TTLL11: variants seen among roughly 807,000 people sequenced by gnomAD.
The protein encoded by TTLL11 is tubulin tyrosine ligase like 11.
A neutral mutation model predicts 51.7 loss-of-function variants in TTLL11; 42 were observed. The ratio of observed to expected loss-of-function variants is 0.81; its 90% CI spans 0.64 to 1.05. The LOEUF (loss-of-function observed/expected upper bound fraction) is 1.05. Ranked by LOEUF, TTLL11 falls within the 50% of genes least tolerant of loss-of-function variation. TTLL11 has a pLI of 0.00. For missense variants in TTLL11, 799 were observed against 940.4 expected (o/e 0.85, Z 1.97); for synonymous variants, 381 against 383.5 (o/e 0.99, Z 0.08).
chr9:121,842,789 C>G (rs1336032836), intron 8 of TTLL11, among the ~76,000 whole-genome samples: 1 of 152,192 alleles, frequency 6.6e-6, no homozygotes, highest in African/African-American at 2.4e-5. Context: ...CGGAGAATCT[C>G]TGAAAGGTAA....
At chr9:121,929,527 G>A (rs543029285) in intron 6 of TTLL11, among the ~76,000 whole-genome samples, 3 of 152,236 alleles carry the variant, frequency 2.0e-5, no homozygotes, top group South Asian at 2.1e-4. Context: ...TATGAAAAAC[G>A]GGATGGGGAA....
rs1842656958 is a variant in TTLL11, at chr9:121,974,739, A to G, written c.1365+145T>C. 2.8e-5 allele frequency: 19 copies of G among 689,206 alleles called. No homozygotes were observed. The South Asian group carries it at 3.4e-4, about 12-fold the overall frequency. The allele number at this position is 689,206 out of a possible 1,614,324, so 42.7% of individuals were successfully genotyped here. A position where few individuals can be genotyped will look rare whatever the true frequency, so the allele number is the denominator to read the frequency against. ...TATTAATAGTCTATGTTGAGAACTC[A>G]ACAAAACTGAAATTATTTGACTTGA... On this transcript the variant is annotated intron_variant, in intron 5 of 8. Coordinates refer to ENST00000321582, the MANE Select transcript of TTLL11 (RefSeq NM_001139442.2).
At chr9:121,999,310 T>C (rs1373834782) in intron 3 of TTLL11, among the ~76,000 whole-genome samples, 2 of 152,138 alleles carry the variant, frequency 1.3e-5, no homozygotes, top group Non-Finnish European at 2.9e-5. Context: ...GGAGCGTACC[T>C]CTCTTGGGCT....
At position 121,920,515 on chromosome 9, in the gene TTLL11, C is replaced by A. The variant is rs544618301; in HGVS notation, c.1482-49767G>T. ...CACTAGGCAGCAAATCATCGGGAAG[C>A]AAATAGCCCATCTTGCACATTTAGA... On this transcript the variant is annotated intron_variant, in intron 6 of 8. Transcript: ENST00000321582. 7.4e-4 allele frequency among the ~76,000 whole-genome samples: 113 copies of A among 152,266 alleles called. 2 individuals carry two copies. The South Asian group carries it at 0.022, about 29-fold the overall frequency.
intron 1 of TTLL11, among the ~76,000 whole-genome samples, chr9:122,060,780 T>A (rs988742033): frequency 1.3e-5 from 2 of 152,218 alleles, no homozygotes; most frequent in Admixed American, 1.3e-4. Context: ...AGGACAAGAC[T>A]GTTTCAACTA....
At chr9:122,023,596 G>A (rs909150841) in intron 3 of TTLL11, among the ~76,000 whole-genome samples, 2 of 151,822 alleles carry the variant, frequency 1.3e-5, no homozygotes, top group African/African-American at 2.4e-5. Flanking sequence ...AATATGTTAT[G>A]ACTAAGTGGA....
At chr9:122,040,398 C>T in intron 1 of TTLL11, 1 of 984,322 alleles carries the variant, frequency 1.0e-6, no homozygotes, top group Non-Finnish European at 1.2e-6. Context: ...CTGTTCTTTC[C>T]ACTACATCCT....
intron 3 of TTLL11, among the ~76,000 whole-genome samples, chr9:122,020,940 G>T (rs1844156957): frequency 6.6e-6 from 1 of 152,202 alleles, no homozygotes; most frequent in Admixed American, 6.5e-5. Flanking sequence ...AATTGTAGCA[G>T]CCCAAACTTC....
At chr9:122,076,833 C>A (rs549130248) in intron 1 of TTLL11, among the ~76,000 whole-genome samples, 3 of 151,966 alleles carry the variant, frequency 2.0e-5, no homozygotes, top group Non-Finnish European at 2.9e-5. Flanking sequence ...ACAAGAATCC[C>A]AACAAATCCC....
chr9:122,038,002 C>G (rs921749781), intron 2 of TTLL11, among the ~76,000 whole-genome samples: 2 of 152,238 alleles, frequency 1.3e-5, no homozygotes, highest in African/African-American at 2.4e-5. Context: ...TAAATTGATT[C>G]TCCCTTTAAA....
At chr9:121,841,818 T>G (rs765911723) in intron 8 of TTLL11, among the ~76,000 whole-genome samples, 1 of 152,014 alleles carries the variant, frequency 6.6e-6, no homozygotes, top group Non-Finnish European at 1.5e-5. Context: ...TAGATGCCAG[T>G]ATAGCAACTC....
intron 7 of TTLL11, among the ~76,000 whole-genome samples, chr9:121,864,240 C>T (rs1384100902): frequency 6.6e-6 from 1 of 152,174 alleles, no homozygotes; most frequent in Non-Finnish European, 1.5e-5. Context: ...CTGAATGGGC[C>T]TTGGATACCG....
chr9:121,989,389 T>C lies in TTLL11; in HGVS notation c.1075A>G (p.Ser359Gly). Residue 359 changes from serine (S) to glycine (G), a missense_variant, in exon 4 of 9, where the codon AGT (serine) becomes GGT (glycine). Around this residue, in one of 3 missense-constraint regions of TTLL11, gnomAD observed 468 missense variants for 612.8 expected, o/e 0.76. Coordinates refer to ENST00000321582, the MANE Select transcript of TTLL11 (RefSeq NM_001139442.2). This position sits in a 1 kb window ranked among gnomAD's most constrained non-coding sequence, Gnocchi z 4.2. ...IHSGNFIHSD[S>G]ASTGSKRTFS... Reference sequence around the variant, plus strand: ...GTCCTTTTGCTGCCAGTGCTAGCACTGTCCGAGTGGATGAAGTTGCCGCTG... The same window carrying C: ...GTCCTTTTGCTGCCAGTGCTAGCACCGTCCGAGTGGATGAAGTTGCCGCTG... 1 of 1,614,194 alleles carries C rather than the reference T, an allele frequency of 6.2e-7. No homozygotes were observed. The highest frequency in any genetic ancestry group is 8.5e-7 in the Non-Finnish European group (1 of 1,180,038).
chr9:122,084,207 C>T (rs763691899), intron 1 of TTLL11, among the ~76,000 whole-genome samples: 4 of 152,142 alleles, frequency 2.6e-5, no homozygotes, highest in Admixed American at 1.3e-4. Flanking sequence ...GGGAAGACTA[C>T]ACAGGAGATA....
chr9:122,021,923 A>G (rs1055902627), intron 3 of TTLL11, among the ~76,000 whole-genome samples: 1 of 152,208 alleles, frequency 6.6e-6, no homozygotes, highest in Non-Finnish European at 1.5e-5. Flanking sequence ...AATGCATTCC[A>G]TATGTTCAAA....
At chr9:122,044,791 T>C (rs1299585750) in intron 1 of TTLL11, among the ~76,000 whole-genome samples, 1 of 152,176 alleles carries the variant, frequency 6.6e-6, no homozygotes, top group Non-Finnish European at 1.5e-5. Context: ...CATAAGAAAC[T>C]GCTTCATACC....
intron 2 of TTLL11, among the ~76,000 whole-genome samples, chr9:122,036,334 T>A (rs1287358052): frequency 6.6e-6 from 1 of 151,862 alleles, no homozygotes; most frequent in Non-Finnish European, 1.5e-5. Context: ...TGTGATGCCA[T>A]ACATCTCAGA....
intron 3 of TTLL11, among the ~76,000 whole-genome samples, chr9:122,008,848 A>G (rs534284382): frequency 3.7e-4 from 56 of 152,356 alleles, no homozygotes; most frequent in Non-Finnish European, 7.1e-4. Flanking sequence ...ACACAATGGA[A>G]TATAGTTCAG....
At chr9:121,857,391 G>A (rs983573277) in intron 8 of TTLL11, among the ~76,000 whole-genome samples, 4 of 152,206 alleles carry the variant, frequency 2.6e-5, no homozygotes, top group African/African-American at 9.6e-5. Context: ...GGAGGACTGA[G>A]TTCAAATCTT....
Sources: allele counts gnomAD v4.1 joint callset (sites outside exome capture counted in the v4.1 genomes callset), GRCh38; gene constraint gnomAD v4.1.1; regional missense constraint gnomAD v4.1.1; non-coding constraint Gnocchi (gnomAD v3.1); transcripts MANE v1.5; gene names NCBI Gene and HGNC (gene_info 2026-07-23, HGNC 2026-07-21).